The following TFB2M variants were observed in gnomAD, a reference collection of about 807,000 sequenced individuals.
TFB2M encodes transcription factor B2, mitochondrial.
TFB2M carries 44 observed loss-of-function variants against 41.3 expected under a neutral mutation model. The observed-to-expected ratio is 1.07, with a 90% CI of 0.84 to 1.37. The LOEUF (loss-of-function observed/expected upper bound fraction) is 1.37. TFB2M is among the 40% of genes most tolerant of loss of function. The pLI, the probability that TFB2M is intolerant of heterozygous loss-of-function variation, is 0.00. For missense variants in TFB2M, 496 were observed against 490.2 expected, an observed-to-expected ratio of 1.01 and a Z score of -0.11; for synonymous variants, 188 against 176.8, an observed-to-expected ratio of 1.06 and a Z score of -0.50.
chr1:246,542,889 C>G (rs1298754067), intron 7 of TFB2M, among the ~76,000 whole-genome samples: 5 of 130,932 alleles, frequency 3.8e-5, no homozygotes, highest in African/African-American at 1.5e-4. Flanking sequence ...TTTTACTAGT[C>G]TATTACCACT....
At chr1:246,554,237 G>A (rs1659260682) in intron 4 of TFB2M, among the ~76,000 whole-genome samples, 1 of 152,138 alleles carries the variant, frequency 6.6e-6, no homozygotes, top group East Asian at 1.9e-4. Context: ...GAAAACACAA[G>A]GAAACCTTCA....
At chr1:246,551,424 T>A in intron 4 of TFB2M, 122 bp from the exon 5 acceptor site, 1 of 721,666 alleles carries the variant, frequency 1.4e-6, no homozygotes, top group Non-Finnish European at 2.3e-6. Flanking sequence ...AAACTAGAAT[T>A]AGATGCAAAA....
chr1:246,541,196 C>T lies in TFB2M; in HGVS notation c.1026G>A (p.Leu342=). The T allele has an allele frequency of 1.2e-6, 2 of 1,613,038 alleles. No homozygotes were observed. The highest frequency in any genetic ancestry group is 1.7e-6 in the Non-Finnish European group (2 of 1,179,574). ...ATATATCTCTCGCATCAAGTGGAGT[C>T]AATGAACTGCAAAAGAAATACAAAG... The part of the protein sequence containing the change: ...SATVIDHLRS[L]TPLDARDILM... The change falls in exon 8 of 8, where the codon TTG becomes TTA. Residue 342 remains leucine, a synonymous_variant. Transcript: ENST00000366514.
rs1398648337 is a variant in TFB2M, at chr1:246,566,244, C to G, written c.-106G>C. ...ACATTTTCTGGCGTCCGGGCCAGGT[C>G]AAGCGGAAGTAAACACTAGAGCCTG... On this transcript the variant is annotated 5_prime_UTR_variant, in exon 1 of 8. Transcript: ENST00000366514. 1.0e-5 allele frequency: 12 copies of G among 1,179,726 alleles called. No individual in the cohort carries two copies. The highest frequency in any genetic ancestry group is 1.4e-5 in the Non-Finnish European group (12 of 843,112). The allele number at this position is 1,179,726 out of a possible 1,614,324, so 73.1% of individuals were successfully genotyped here. A position where few individuals can be genotyped will look rare whatever the true frequency, so the allele number is the denominator to read the frequency against.
intron 2 of TFB2M, among the ~76,000 whole-genome samples, chr1:246,562,870 G>A (rs549025082): frequency 6.6e-6 from 1 of 152,206 alleles, no homozygotes; most frequent in Non-Finnish European, 1.5e-5. Flanking sequence ...ATGTTGGTCA[G>A]GATGGTCTCA....
At chr1:246,548,305 AAGAAG>A (rs1339160267) in intron 6 of TFB2M, among the ~76,000 whole-genome samples, 3 of 152,060 alleles carry the variant, frequency 2.0e-5, no homozygotes, top group African/African-American at 7.2e-5. Flanking sequence ...CAAAAGATAT[AAGAAG>A]AGAACTCAGA....
intron 7 of TFB2M, among the ~76,000 whole-genome samples, chr1:246,543,834 A>C (rs1658927473): frequency 6.6e-6 from 1 of 152,124 alleles, no homozygotes; most frequent in Non-Finnish European, 1.5e-5. Context: ...TTTTACAAAT[A>C]TAAAAATTAG....
At chr1:246,556,839 T>A in intron 3 of TFB2M, 118 bp from the exon 4 acceptor site, 1 of 870,346 alleles carries the variant, frequency 1.1e-6, no homozygotes, top group Non-Finnish European at 1.7e-6. Context: ...TTATTTCAAT[T>A]AAAACTAAGC....
chr1:246,544,313 G>A (rs1304404707), intron 7 of TFB2M, among the ~76,000 whole-genome samples: 3 of 151,990 alleles, frequency 2.0e-5, no homozygotes, highest in Admixed American at 2.0e-4. Context: ...TTTAAAGAAG[G>A]AAAAATAAAT....
intron 2 of TFB2M, among the ~76,000 whole-genome samples, chr1:246,559,591 C>T (rs1227705845): frequency 6.6e-6 from 1 of 152,110 alleles, no homozygotes; most frequent in African/African-American, 2.4e-5. Context: ...TTAACAATCA[C>T]TTTCAAGGGG....
At chr1:246,545,688 C>T (rs3124120) in intron 6 of TFB2M, among the ~76,000 whole-genome samples, 35,249 of 151,588 alleles carry the variant, frequency 0.23, 4,507 homozygotes, top group Middle Eastern at 0.41. Flanking sequence ...TGGTGCATGC[C>T]TGTAGCCCCA....
At chr1:246,541,284 T>C in intron 7 of TFB2M, 82 bp from the exon 8 acceptor site, 1 of 1,384,312 alleles carries the variant, frequency 7.2e-7, no homozygotes, top group Non-Finnish European at 9.8e-7. Context: ...GGCTTCTAAG[T>C]TGAATTCAAA....
chr1:246,562,615 C>T (rs1279779506), intron 2 of TFB2M, among the ~76,000 whole-genome samples: 1 of 151,898 alleles, frequency 6.6e-6, no homozygotes, highest in Non-Finnish European at 1.5e-5. Flanking sequence ...AGGGAGTCAT[C>T]TAAGACAAAA....
Position 246,566,188 on chromosome 1 carries a change from A to G in TFB2M, c.-50T>C. 1.3e-6 allele frequency: 2 copies of G among 1,556,550 alleles called. No individual in the cohort carries two copies. Among genetic ancestry groups the G allele is most frequent in the Middle Eastern group, 2.3e-4 (1 of 4,312 alleles). On this transcript the variant is annotated 5_prime_UTR_variant, in exon 1 of 8. Coordinates refer to ENST00000366514, the MANE Select transcript of TFB2M (RefSeq NM_022366.3). ...AAGAATCACCTAGTGCAGCTACTAC[A>G]GTGAACCCCACGCAGGGTATCCCAC... is the stretch of plus-strand genomic sequence containing the variant.
Position 246,565,854 on chromosome 1 carries a change from A to C in TFB2M, c.285T>G (p.Pro95=), listed in dbSNP as rs1037991265. Residue 95 remains proline, a synonymous_variant, in exon 1 of 8, where the codon CCT becomes CCG. Coordinates refer to ENST00000366514, the MANE Select transcript of TFB2M (RefSeq NM_022366.3). ...AQIYLGKPSR[P]PHLLLECNPG... is the part of the protein sequence containing the mutation. Reference sequence around the variant, plus strand: ...GATTGCACTCCAGCAGTAGGTGTGGAGGTCTACTTGGTTTTCCCAAATAGA... The same window carrying C: ...GATTGCACTCCAGCAGTAGGTGTGGCGGTCTACTTGGTTTTCCCAAATAGA... The C allele has an allele frequency of 6.2e-7, 1 of 1,606,380 alleles. No individual in the cohort carries two copies. Among genetic ancestry groups the C allele is most frequent in the African/African-American group, 1.3e-5 (1 of 74,792 alleles).
Position 246,548,577 on chromosome 1 carries a change from G to A in TFB2M, c.826C>T (p.Arg276Trp), listed in dbSNP as rs767518122. Residue 276 changes from arginine to tryptophan, a missense_variant, in exon 6 of 8, where the codon CGG (arginine) becomes TGG (tryptophan). Coordinates refer to ENST00000366514, the MANE Select transcript of TFB2M (RefSeq NM_022366.3). ...EPWSSFDIYT[R>W]KGPLENPKRR... ...TTTGGGTTTTCCAGCGGCCCTTTCC[G>A]GGTGTATATATCAAATGATGACCAA... is the stretch of plus-strand genomic sequence containing the variant. 39 of 1,613,216 alleles carry A rather than the reference G, an allele frequency of 2.4e-5. No homozygotes were observed. In the African/African-American group the frequency reaches 2.7e-4, roughly 11 times the overall value.
In TFB2M at chr1:246,559,460, A is replaced by G. The variant is rs115706804; in HGVS notation, c.403-1926T>C. Among the ~76,000 whole-genome samples, 1,337 of 152,250 alleles carry G rather than the reference A, an allele frequency of 8.8e-3. 13 individuals carry two copies. Among genetic ancestry groups the G allele is most frequent in the Middle Eastern group, 0.021 (6 of 292 alleles). ...GCTATTGGGGAGGTGAAGTGGGAGA[A>G]ATCGCTTGAACCCAGGAGGCAGGGG... On this transcript the variant is annotated intron_variant, in intron 2 of 7. Coordinates refer to ENST00000366514, the MANE Select transcript of TFB2M (RefSeq NM_022366.3).
chr1:246,558,238 C>T (rs1321654366), intron 2 of TFB2M, among the ~76,000 whole-genome samples: 2 of 151,696 alleles, frequency 1.3e-5, no homozygotes, highest in African/African-American at 4.8e-5. Flanking sequence ...CCTTGACCTC[C>T]TGGGCTTAAG....
intron 4 of TFB2M, among the ~76,000 whole-genome samples, chr1:246,554,745 G>A (rs958945483): frequency 3.4e-4 from 51 of 152,130 alleles, no homozygotes; most frequent in African/African-American, 1.2e-3. Flanking sequence ...CGCCATCCAC[G>A]TAAAAACTGT....
Sources: gnomAD v4.1 joint callset for allele counts (sites outside exome capture counted in the v4.1 genomes callset) on GRCh38, gnomAD v4.1.1 for gene constraint, MANE v1.5 for transcripts, NCBI Gene and HGNC (gene_info 2026-07-23, HGNC 2026-07-21) for gene names.